The following AOAH variants were observed in gnomAD, a reference collection of about 807,000 sequenced individuals.
The protein encoded by AOAH is acyloxyacyl hydrolase, also known as acyloxyacyl hydrolase (neutrophil).
AOAH carries 64 observed loss-of-function variants against 92.2 expected under a neutral mutation model. The observed-to-expected ratio is 0.69, with a 90% CI of 0.57 to 0.86. The LOEUF (loss-of-function observed/expected upper bound fraction) is 0.86. Ranked by LOEUF, AOAH falls within the 40% of genes least tolerant of loss-of-function variation. The pLI is 0.00. For synonymous variants in AOAH, 263 were observed against 254.5 expected (o/e 1.03, Z -0.32); for missense variants, 656 against 694.6 (o/e 0.94, Z 0.62).
chr7:36,624,875 G>T (rs886317765), intron 6 of AOAH, among the ~76,000 whole-genome samples: 1 of 152,182 alleles, frequency 6.6e-6, no homozygotes, highest in Non-Finnish European at 1.5e-5. Context: ...GTCCCCCTAG[G>T]GATGCTGGTT....
intron 20 of AOAH, among the ~76,000 whole-genome samples, chr7:36,521,335 TTTC>T (rs1242256664): frequency 6.6e-6 from 1 of 152,208 alleles, no homozygotes; most frequent in Non-Finnish European, 1.5e-5. Context: ...CCCACTTCTT[TTTC>T]TTCTTCTTCT....
intron 20 of AOAH, chr7:36,514,558 C>T (rs1294760691): frequency 6.5e-7 from 1 of 1,535,854 alleles, no homozygotes; most frequent in Admixed American, 2.0e-5. Context: ...TCTGGCTTGT[C>T]ATTAATATGC....
intron 13 of AOAH, among the ~76,000 whole-genome samples, chr7:36,556,177 T>C (rs1276415658): frequency 6.6e-6 from 1 of 152,240 alleles, no homozygotes; most frequent in African/African-American, 2.4e-5. Flanking sequence ...GATTCTGGTA[T>C]GTTGTGTCTT....
intron 11 of AOAH, among the ~76,000 whole-genome samples, chr7:36,598,752 T>C (rs759565017): frequency 3.3e-5 from 5 of 152,214 alleles, no homozygotes; most frequent in African/African-American, 4.8e-5. Flanking sequence ...TGGCTATTAA[T>C]AGCAAATGTT....
Position 36,724,126 on chromosome 7 carries a change from A to G in AOAH, c.23T>C (p.Leu8Pro). The G allele has an allele frequency of 6.2e-7, 1 of 1,613,518 alleles. No homozygotes were observed. The highest frequency in any genetic ancestry group is 8.5e-7 in the Non-Finnish European group (1 of 1,179,592). Residue 8 changes from leucine to proline, a missense_variant, in exon 1 of 21, where the codon CTT (leucine) becomes CCT (proline). Transcript: ENST00000617537. ...GAGCAAGAATAGAGGCGCCACCGTA[A>G]GGATTTTCCAGGGGGACTGCATCTC... MQSPWKILTVAPLFLLLS... is the reference protein window; with the variant it reads MQSPWKIPTVAPLFLLLS...
At chr7:36,514,469 T>TA in intron 20 of AOAH, 1 of 1,532,818 alleles carries the variant, frequency 6.5e-7, no homozygotes, top group Non-Finnish European at 8.7e-7. Context: ...GCCTGAGGCT[T>TA]ACTCTCTGGT....
chr7:36,600,983 C>A (rs1790527247), intron 11 of AOAH, among the ~76,000 whole-genome samples: 1 of 151,910 alleles, frequency 6.6e-6, no homozygotes, highest in East Asian at 2.0e-4. Context: ...TACACAGAAA[C>A]CCCCACACAC....
intron 12 of AOAH, among the ~76,000 whole-genome samples, chr7:36,577,573 T>A (rs1178639707): frequency 5.3e-5 from 8 of 152,144 alleles, no homozygotes; most frequent in Non-Finnish European, 1.0e-4. Flanking sequence ...TACGGAAAAA[T>A]TTGACACCAG....
chr7:36,555,593 C>T (rs1351086520), intron 13 of AOAH, among the ~76,000 whole-genome samples: 31 of 151,774 alleles, frequency 2.0e-4, no homozygotes, highest in East Asian at 3.9e-4. Flanking sequence ...TGGTAGAATT[C>T]GGCTGTGAAT....
intron 4 of AOAH, among the ~76,000 whole-genome samples, chr7:36,649,820 G>C (rs1181563931): frequency 6.6e-6 from 1 of 152,170 alleles, no homozygotes; most frequent in Non-Finnish European, 1.5e-5. Context: ...CTTCAGATCT[G>C]GCAGGGTGTC....
At chr7:36,699,630 ATTATTTGTT>A (rs1270574506) in intron 1 of AOAH, among the ~76,000 whole-genome samples, 1 of 139,836 alleles carries the variant, frequency 7.2e-6, no homozygotes, top group Non-Finnish European at 1.5e-5. Flanking sequence ...TTTAAATTGG[ATTATTTGTT>A]TTTTTTTTTT....
In AOAH at chr7:36,659,348, C is replaced by T. The variant is rs1795067642; in HGVS notation, c.291-83G>A. On this transcript the variant is annotated intron_variant, in intron 3 of 20. Coordinates refer to ENST00000617537, the MANE Select transcript of AOAH (RefSeq NM_001637.4). ...GAAGCTACTGCAAAGAAAGGTAAAT[C>T]CCCAGAATGGATTCTAATACCCTCA... The T allele has an allele frequency of 7.8e-6, 9 of 1,155,146 alleles. No individual in the cohort carries two copies. The South Asian group carries it at 1.0e-4, about 13-fold the overall frequency. 71.6% of individuals were successfully genotyped at this position (1,155,146 alleles called of 1,614,324 possible).
In AOAH at chr7:36,517,214, C is replaced by CTTTTTCTTTCTTTTTCTCTT. The variant is rs59205788; in HGVS notation, c.1600-3835_1600-3834insAAGAGAAAAAGAAAGAAAAA. Among the ~76,000 whole-genome samples, 5 of 104,828 alleles carry CTTTTTCTTTCTTTTTCTCTT rather than the reference C, an allele frequency of 4.8e-5. 1 individual carries two copies. Among genetic ancestry groups the CTTTTTCTTTCTTTTTCTCTT allele is most frequent in the African/African-American group, 8.0e-5 (2 of 25,076 alleles). The allele number at this position is 104,828 out of a possible 152,430, so 68.8% of individuals were successfully genotyped here. A position where few individuals can be genotyped will look rare whatever the true frequency, so the allele number is the denominator to read the frequency against. Reference sequence around the variant, plus strand: ...TCTTTCTTTCTTTCTTTCTTTCTTTCTCTTTCTTTCTGTCTCTCTCTCTCT... The same window carrying CTTTTTCTTTCTTTTTCTCTT: ...TCTTTCTTTCTTTCTTTCTTTCTTTCTTTTTCTTTCTTTTTCTCTTTCTTTCTTTCTGTCTCTCTCTCTCT... On this transcript the variant is annotated intron_variant, in intron 20 of 20. Coordinates refer to ENST00000617537, the MANE Select transcript of AOAH (RefSeq NM_001637.4).
At chr7:36,621,876 A>G (rs1467618432) in intron 7 of AOAH, 96 bp from the exon 8 acceptor site, 13 of 1,023,094 alleles carry the variant, frequency 1.3e-5, no homozygotes, top group Non-Finnish European at 2.0e-5. Flanking sequence ...ATTGACATCC[A>G]CAGTTTTTAA....
chr7:36,710,731 T>G (rs1434161039), intron 1 of AOAH, among the ~76,000 whole-genome samples: 2 of 152,202 alleles, frequency 1.3e-5, no homozygotes, highest in Non-Finnish European at 2.9e-5. Flanking sequence ...GAATTTCTAT[T>G]TACTTAAGAT....
chr7:36,520,652 C>A (rs546019133), intron 20 of AOAH, among the ~76,000 whole-genome samples: 1 of 148,240 alleles, frequency 6.7e-6, no homozygotes. Context: ...TTGCGGTGAG[C>A]GGAGATCACA....
chr7:36,717,675 T>G (rs987406658), intron 1 of AOAH, among the ~76,000 whole-genome samples: 1 of 151,724 alleles, frequency 6.6e-6, no homozygotes, highest in Non-Finnish European at 1.5e-5. Flanking sequence ...CTTTTGATTC[T>G]AAAATTCACT....
intron 6 of AOAH, among the ~76,000 whole-genome samples, chr7:36,627,463 A>T (rs1255688545): frequency 6.6e-6 from 1 of 152,054 alleles, no homozygotes; most frequent in African/African-American, 2.4e-5. Flanking sequence ...TATGCAAATT[A>T]TTTAATCTTT....
In AOAH at chr7:36,594,324, C is replaced by T; in HGVS notation, c.938+15G>A. On this transcript the variant is annotated intron_variant, in intron 12 of 20. Coordinates refer to ENST00000617537, the MANE Select transcript of AOAH (RefSeq NM_001637.4). ...AGAGGTATTGAAATGTCTGAGGGTG[C>T]ACAAAGACACTTACCCAACAGTGGA... 6.2e-7 allele frequency: 1 copy of T among 1,602,058 alleles called. No individual in the cohort carries two copies. The highest frequency in any genetic ancestry group is 1.1e-5 in the South Asian group (1 of 90,810).
Sources: allele counts gnomAD v4.1 joint callset (sites outside exome capture counted in the v4.1 genomes callset), GRCh38; gene constraint gnomAD v4.1.1; transcripts MANE v1.5; gene names NCBI Gene and HGNC (gene_info 2026-07-23, HGNC 2026-07-21).